Variants in EFCAB11 observed in about 807,000 individuals in gnomAD.
EFCAB11 encodes the protein EF-hand calcium binding domain 11.
In EFCAB11, 14 loss-of-function variants were observed where a neutral mutation model predicts 23.0. The ratio of observed to expected loss-of-function variants is 0.61; its 90% CI spans 0.40 to 0.95. The LOEUF (loss-of-function observed/expected upper bound fraction) is 0.95, where lower values mean the gene tolerates loss of function less well. Among genes scored for constraint, EFCAB11 ranks in the 40% least tolerant of loss-of-function variants. The probability of loss-of-function intolerance (pLI) is 0.00; values close to 1 mark genes in which losing one functional copy is unlikely to be tolerated. For missense variants in EFCAB11, 198 were observed against 195.8 expected (o/e 1.01, Z -0.07); for synonymous variants, 65 against 66.6 (o/e 0.98, Z 0.11).
chr14:89,874,577 G>A (rs1888376932), intron 5 of EFCAB11, among the ~76,000 whole-genome samples: 1 of 152,090 alleles, frequency 6.6e-6, no homozygotes, highest in South Asian at 2.1e-4. Flanking sequence ...ACATCTTTGT[G>A]AATGAATAAA....
rs553273031 is a variant in EFCAB11, at chr14:89,800,111, G to A, written c.411-2787C>T. ...TGAGGCAGAAGAATTGCTTGAACCC[G>A]GGAGGCAGAGGTTGCAGTGAGCCAA... On this transcript the variant is annotated intron_variant, in intron 5 of 5. Transcript: ENST00000316738. Among the ~76,000 whole-genome samples, 563 of 152,146 alleles carry A rather than the reference G, an allele frequency of 3.7e-3. 4 individuals are homozygous for A. The highest frequency in any genetic ancestry group is 4.6e-3 in the Non-Finnish European group (313 of 68,006).
At chr14:89,908,958 G>C (rs1048922408) in intron 5 of EFCAB11, among the ~76,000 whole-genome samples, 1 of 152,174 alleles carries the variant, frequency 6.6e-6, no homozygotes, top group African/African-American at 2.4e-5. Context: ...CAAGATAGTA[G>C]GCAAAACAAC....
intron 5 of EFCAB11, among the ~76,000 whole-genome samples, chr14:89,878,424 C>T (rs1483288370): frequency 1.3e-5 from 2 of 152,052 alleles, no homozygotes; most frequent in Admixed American, 1.3e-4. Flanking sequence ...ATGCTACCCA[C>T]TATTTAAATA....
At chr14:89,875,875 C>A (rs1213835808) in intron 5 of EFCAB11, among the ~76,000 whole-genome samples, 1 of 152,076 alleles carries the variant, frequency 6.6e-6, no homozygotes, top group Non-Finnish European at 1.5e-5. Flanking sequence ...AAAGGGCATG[C>A]AGGCAGAGTG....
chr14:89,835,585 C>CGTGTGTGTGTGTGTGTGTGT lies in EFCAB11; in HGVS notation c.411-38281_411-38262dup, dbSNP rs67831579. 2.1e-3 allele frequency among the ~76,000 whole-genome samples: 197 copies of CGTGTGTGTGTGTGTGTGTGT among 93,388 alleles called. 7 individuals are homozygous for CGTGTGTGTGTGTGTGTGTGT. Among genetic ancestry groups the CGTGTGTGTGTGTGTGTGTGT allele is most frequent in the East Asian group, 4.5e-3 (13 of 2,860 alleles). 61.3% of individuals were successfully genotyped at this position (93,388 alleles called of 152,430 possible). A position where few individuals can be genotyped will look rare whatever the true frequency, so the allele number is the denominator to read the frequency against. ...TGGATTTCAGATTAGGGATGCTCAA[C>CGTGTGTGTGTGTGTGTGTGT]GTGTGTGTGTGTGTGTGTGTGTGTG... On this transcript the variant is annotated intron_variant, in intron 5 of 5. Coordinates refer to ENST00000316738, the MANE Select transcript of EFCAB11 (RefSeq NM_145231.4).
At chr14:89,807,763 G>A (rs2140084689) in intron 5 of EFCAB11, among the ~76,000 whole-genome samples, 1 of 152,084 alleles carries the variant, frequency 6.6e-6, no homozygotes, top group South Asian at 2.1e-4. Flanking sequence ...AGAGTTTTTT[G>A]TTTACTTTCT....
rs576559159 is a variant in EFCAB11 at position 89,874,072 on chromosome 14, G to T, written c.410+57469C>A. Among the ~76,000 whole-genome samples, 6 of 152,306 alleles carry T rather than the reference G, an allele frequency of 3.9e-5. No individual in the cohort carries two copies. In the East Asian group the frequency reaches 1.2e-3, roughly 29 times the overall value. On this transcript the variant is annotated intron_variant, in intron 5 of 5. Transcript: ENST00000316738. ...CTACCCCTGCAGCACACCTCTGCCT[G>T]GATATCCAGGTGTTTCCATACATCC... is the stretch of plus-strand genomic sequence containing the variant.
At chr14:89,873,589 G>A (rs1204715868) in intron 5 of EFCAB11, among the ~76,000 whole-genome samples, 1 of 152,318 alleles carries the variant, frequency 6.6e-6, no homozygotes, top group African/African-American at 2.4e-5. Context: ...AAGCAAGTTA[G>A]TTACTTCCTA....
intron 5 of EFCAB11, among the ~76,000 whole-genome samples, chr14:89,835,959 C>A (rs903804391): frequency 2.9e-4 from 44 of 152,102 alleles, no homozygotes; most frequent in Non-Finnish European, 6.2e-4. Flanking sequence ...AGACACTCAA[C>A]AACCTAAGCG....
chr14:89,921,304 C>G (rs1361173681), intron 5 of EFCAB11, among the ~76,000 whole-genome samples: 3 of 152,106 alleles, frequency 2.0e-5, no homozygotes, highest in Non-Finnish European at 2.9e-5. Context: ...CCATTTCTGT[C>G]TATATGGCCT....
rs183049423 is a variant in EFCAB11 at position 89,807,818 on chromosome 14, T to A, written c.411-10494A>T. Reference sequence around the variant, plus strand: ...AAAAGTTTATCTGGGAAAATAAATATGCCATAAAATTCAAAATATTTTTAA... The same window carrying A: ...AAAAGTTTATCTGGGAAAATAAATAAGCCATAAAATTCAAAATATTTTTAA... On this transcript the variant is annotated intron_variant, in intron 5 of 5. Transcript: ENST00000316738. Among the ~76,000 whole-genome samples, 329 of 152,320 alleles carry A rather than the reference T, an allele frequency of 2.2e-3. 2 individuals carry two copies. Among genetic ancestry groups the A allele is most frequent in the African/African-American group, 5.8e-3 (239 of 41,558 alleles).
chr14:89,954,082 C>A, intron 1 of EFCAB11, 81 bp from the exon 2 acceptor site: 1 of 1,250,946 alleles, frequency 8.0e-7, no homozygotes. Context: ...GTTTGGACCT[C>A]GAAAATCTAA....
chr14:89,891,969 G>A (rs1311132869), intron 5 of EFCAB11, among the ~76,000 whole-genome samples: 4 of 152,146 alleles, frequency 2.6e-5, no homozygotes, highest in African/African-American at 9.7e-5. Flanking sequence ...CTGCGGGCTG[G>A]GCCGCGGGTC....
At chr14:89,925,101 C>T (rs140497542) in intron 5 of EFCAB11, among the ~76,000 whole-genome samples, 32 of 152,296 alleles carry the variant, frequency 2.1e-4, no homozygotes, top group Admixed American at 3.3e-4. Flanking sequence ...GAAAGAAAGG[C>T]TTTATTGAGG....
intron 5 of EFCAB11, chr14:89,924,097 C>A: frequency 2.0e-6 from 2 of 985,656 alleles, no homozygotes; most frequent in Non-Finnish European, 2.4e-6. Flanking sequence ...CTCCCTTTTA[C>A]AATTGCATTC....
At chr14:89,884,168 CA>C (rs967446903) in intron 5 of EFCAB11, among the ~76,000 whole-genome samples, 2 of 150,872 alleles carry the variant, frequency 1.3e-5, no homozygotes, top group East Asian at 1.9e-4. Context: ...ATGCCCTTAA[CA>C]AAAAAAAATT....
At chr14:89,943,864 C>T (rs1313598093) in intron 3 of EFCAB11, among the ~76,000 whole-genome samples, 3 of 152,160 alleles carry the variant, frequency 2.0e-5, no homozygotes, top group Non-Finnish European at 4.4e-5. Context: ...CACACTCACA[C>T]TAGAGTACAG....
At chr14:89,896,484 TATC>T (rs1014014702) in intron 5 of EFCAB11, among the ~76,000 whole-genome samples, 54 of 152,200 alleles carry the variant, frequency 3.5e-4, no homozygotes, top group African/African-American at 1.1e-3. Context: ...TTATTGAAAA[TATC>T]ATTTGGCATT....
At chr14:89,893,863 T>A (rs975660208) in intron 5 of EFCAB11, among the ~76,000 whole-genome samples, 2 of 151,918 alleles carry the variant, frequency 1.3e-5, no homozygotes, top group African/African-American at 4.8e-5. Context: ...TGAATTGATA[T>A]TAAAACTATA....
Sources: gnomAD v4.1 joint callset for allele counts (sites outside exome capture counted in the v4.1 genomes callset) on GRCh38, gnomAD v4.1.1 for gene constraint, MANE v1.5 for transcripts, NCBI Gene and HGNC (gene_info 2026-07-23, HGNC 2026-07-21) for gene names.